The following CORO2A variants were observed in gnomAD, a reference collection of about 807,000 sequenced individuals.
CORO2A encodes the protein coronin-2A.
CORO2A carries 47 observed loss-of-function variants against 62.4 expected under a neutral mutation model. The ratio of observed to expected loss-of-function variants is 0.75; its 90% confidence interval spans 0.60 to 0.96. The LOEUF is 0.96. CORO2A is among the 40% of genes least tolerant of loss of function. The pLI is 0.00. For missense variants in CORO2A, 610 were observed against 684.1 expected (o/e 0.89, Z 1.21); for synonymous variants, 273 against 268.9 (o/e 1.02, Z -0.15).
At chr9:98,184,016 G>A (rs901500952) in intron 1 of CORO2A, among the ~76,000 whole-genome samples, 13 of 152,138 alleles carry the variant, frequency 8.5e-5, no homozygotes, top group Admixed American at 5.2e-4. Context: ...ATTGTGTTAG[G>A]CATTGTAAGT....
intron 1 of CORO2A, among the ~76,000 whole-genome samples, chr9:98,181,238 A>G (rs2118932119): frequency 7.5e-6 from 1 of 133,386 alleles, no homozygotes; most frequent in Admixed American, 7.9e-5. Context: ...GCCAGAACCC[A>G]CGGGCACCCA....
chr9:98,142,572 G>C (rs1564204912), intron 2 of CORO2A, among the ~76,000 whole-genome samples: 1 of 152,236 alleles, frequency 6.6e-6, no homozygotes, highest in African/African-American at 2.4e-5. Context: ...CCGCAGTGCG[G>C]TTTCCCAAGA....
At chr9:98,187,207 C>T (rs1055684625) in intron 1 of CORO2A, among the ~76,000 whole-genome samples, 2 of 145,796 alleles carry the variant, frequency 1.4e-5, no homozygotes, top group Admixed American at 7.4e-5. Context: ...AGCATGAACC[C>T]GGGAGGTGGA....
chr9:98,127,643 T>A (rs779707976), intron 10 of CORO2A, among the ~76,000 whole-genome samples: 1 of 151,740 alleles, frequency 6.6e-6, no homozygotes, highest in African/African-American at 2.4e-5. Context: ...AAAACCCCCA[T>A]CTCTACTAAA....
In CORO2A at chr9:98,132,049, C is replaced by G. The variant is rs887246948; in HGVS notation, c.765+136G>C. ...CTGTCAGCATCTCCCTGCTATTCAT[C>G]CCCGGATCCCCAGCACCTGGCAGTC... On this transcript the variant is annotated intron_variant, in intron 6 of 11. Transcript: ENST00000375077. The G allele has an allele frequency of 1.4e-5, 10 of 739,028 alleles. No individual in the cohort carries two copies. In the African/African-American group the frequency reaches 1.5e-4, roughly 11 times the overall value. The allele number at this position is 739,028 out of a possible 1,614,324, so 45.8% of individuals were successfully genotyped here.
At chr9:98,182,851 G>C (rs1050224046) in intron 1 of CORO2A, among the ~76,000 whole-genome samples, 3 of 152,202 alleles carry the variant, frequency 2.0e-5, no homozygotes, top group African/African-American at 7.2e-5. Context: ...CTCTGAAACT[G>C]GGATGCAACT....
chr9:98,170,414 T>C (rs981610362), intron 1 of CORO2A, among the ~76,000 whole-genome samples: 1 of 152,230 alleles, frequency 6.6e-6, no homozygotes, highest in Non-Finnish European at 1.5e-5. Context: ...GCAGTTGTGC[T>C]GGTCAGGCTG....
chr9:98,174,424 C>A (rs1828081664), intron 1 of CORO2A, among the ~76,000 whole-genome samples: 1 of 152,178 alleles, frequency 6.6e-6, no homozygotes, highest in African/African-American at 2.4e-5. Context: ...TGAACATAAG[C>A]TCTTCATTGA....
At chr9:98,166,011 A>G (rs1827955987) in intron 1 of CORO2A, among the ~76,000 whole-genome samples, 1 of 152,310 alleles carries the variant, frequency 6.6e-6, no homozygotes, top group Non-Finnish European at 1.5e-5. Context: ...ATAACCAGAC[A>G]TTATGTGCTG....
rs1455309178 is a variant in CORO2A, at chr9:98,185,273, T to C, written c.-1+7286A>G. Among the ~76,000 whole-genome samples the C allele has an allele frequency of 2.0e-5, 3 of 152,230 alleles. No individual in the cohort carries two copies. In the East Asian group the frequency reaches 5.8e-4, roughly 29 times the overall value. The stretch of plus-strand genomic sequence containing the variant: ...CTGCCAGGCCATGGGCCCTCACGGC[T>C]GTGATGGGTCTAGCTTGTCTGCATT... On this transcript the variant is annotated intron_variant, in intron 1 of 11. Transcript: ENST00000375077.
At chr9:98,185,824 T>G (rs1317225833) in intron 1 of CORO2A, among the ~76,000 whole-genome samples, 1 of 152,206 alleles carries the variant, frequency 6.6e-6, no homozygotes, top group Non-Finnish European at 1.5e-5. Flanking sequence ...CCAAGGCCAC[T>G]CAGTGTCTGA....
intron 1 of CORO2A, among the ~76,000 whole-genome samples, chr9:98,183,044 G>A (rs956435668): frequency 3.9e-5 from 6 of 152,232 alleles, no homozygotes; most frequent in Admixed American, 2.6e-4. Context: ...AAGGGACAAG[G>A]GTCTATTGAG....
At chr9:98,127,040 G>A in intron 10 of CORO2A, 1 of 604,380 alleles carries the variant, frequency 1.7e-6, no homozygotes, top group Non-Finnish European at 2.9e-6. Context: ...GTGAAGCTTG[G>A]TTTGTAGGAA....
At chr9:98,146,391 G>A (rs1827644397) in intron 2 of CORO2A, among the ~76,000 whole-genome samples, 1 of 152,106 alleles carries the variant, frequency 6.6e-6, no homozygotes. Context: ...AGCTCACCCT[G>A]GGTCACAACA....
intron 2 of CORO2A, among the ~76,000 whole-genome samples, chr9:98,149,099 TATAAG>T (rs1411389727): frequency 1.3e-5 from 2 of 152,194 alleles, no homozygotes; most frequent in African/African-American, 4.8e-5. Flanking sequence ...ACTGTAGTCT[TATAAG>T]ATGTTACCAC....
At chr9:98,140,761 A>G (rs1827554221) in intron 2 of CORO2A, among the ~76,000 whole-genome samples, 1 of 152,102 alleles carries the variant, frequency 6.6e-6, no homozygotes, top group African/African-American at 2.4e-5. Flanking sequence ...GCATTTTAGT[A>G]GCTCTGCAAA....
At chr9:98,179,674 C>T (rs142085956) in intron 1 of CORO2A, among the ~76,000 whole-genome samples, 11 of 152,086 alleles carry the variant, frequency 7.2e-5, no homozygotes, top group South Asian at 2.1e-4. Context: ...AGCAGTCGGC[C>T]GGGCGCAGAC....
chr9:98,137,820 ACTT>A, intron 2 of CORO2A, 132 bp from the exon 3 acceptor site: 3 of 709,482 alleles, frequency 4.2e-6, no homozygotes, highest in East Asian at 5.2e-5. Flanking sequence ...TCTAGGCCTT[ACTT>A]CTTATTCCCT....
At chr9:98,191,685 C>G (rs1828307372) in intron 1 of CORO2A, among the ~76,000 whole-genome samples, 1 of 152,184 alleles carries the variant, frequency 6.6e-6, no homozygotes, top group African/African-American at 2.4e-5. Flanking sequence ...ACCTAGGGAG[C>G]CTGGGACCAC....
Sources: allele counts gnomAD v4.1 joint callset (sites outside exome capture counted in the v4.1 genomes callset), GRCh38; gene constraint gnomAD v4.1.1; transcripts MANE v1.5; gene names NCBI Gene and HGNC (gene_info 2026-07-23, HGNC 2026-07-21).